ADGRF5: variants seen among roughly 807,000 people sequenced by gnomAD.
ADGRF5 encodes G-protein coupled receptor 116.
In ADGRF5, 75 loss-of-function variants were observed where a neutral mutation model predicts 132.3. That is an observed-to-expected ratio of 0.57 (90% CI 0.47 to 0.69). ADGRF5 has a LOEUF of 0.69. Among genes scored for constraint, ADGRF5 ranks in the 30% least tolerant of loss-of-function variants. The pLI is 0.00. For missense variants in ADGRF5, 1,516 were observed against 1,630.6 expected, an observed-to-expected ratio of 0.93 and a Z score of 1.21; for synonymous variants, 629 against 597.6, an observed-to-expected ratio of 1.05 and a Z score of -0.77.
chr6:46,946,113 A>G (rs552115529), intron 1 of ADGRF5, among the ~76,000 whole-genome samples: 1 of 152,232 alleles, frequency 6.6e-6, no homozygotes, highest in Non-Finnish European at 1.5e-5. Flanking sequence ...AATGAACCAC[A>G]GTAGGGAGAA....
chr6:46,881,294 C>T (rs1478536178), intron 8 of ADGRF5, among the ~76,000 whole-genome samples, 161 bp downstream of exon 8: 1 of 152,140 alleles, frequency 6.6e-6, no homozygotes, highest in East Asian at 1.9e-4. Flanking sequence ...TGGCATTAGT[C>T]AGATTGGGAG....
intron 1 of ADGRF5, among the ~76,000 whole-genome samples, chr6:46,947,209 A>G (rs956819864): frequency 1.3e-5 from 2 of 152,208 alleles, no homozygotes; most frequent in African/African-American, 4.8e-5. Context: ...AGTAGACTCC[A>G]AAGGTGAAAA....
intron 4 of ADGRF5, among the ~76,000 whole-genome samples, chr6:46,887,456 A>T (rs1472387606): frequency 6.6e-6 from 1 of 152,218 alleles, no homozygotes; most frequent in East Asian, 1.9e-4. Flanking sequence ...GAAAACCACT[A>T]ACTCAAGGAA....
intron 3 of ADGRF5, among the ~76,000 whole-genome samples, chr6:46,899,297 TGGCTTTTAGTTCCAA>T (rs1213300461): frequency 2.0e-5 from 3 of 152,118 alleles, no homozygotes; most frequent in South Asian, 2.1e-4. Context: ...AGCAGAGGAT[TGGCTTTTAGTTCCAA>T]GGCCAAGGGA....
intron 3 of ADGRF5, among the ~76,000 whole-genome samples, chr6:46,896,112 G>A (rs990185485): frequency 6.6e-6 from 1 of 152,114 alleles, no homozygotes; most frequent in Non-Finnish European, 1.5e-5. Flanking sequence ...CCTCCTGGCT[G>A]GTCTCCCAGG....
chr6:46,870,599 C>T (rs1770942311), intron 11 of ADGRF5, among the ~76,000 whole-genome samples: 1 of 152,206 alleles, frequency 6.6e-6, no homozygotes, highest in Non-Finnish European at 1.5e-5. Flanking sequence ...CCTCCCCATC[C>T]ATAGGCATCT....
intron 1 of ADGRF5, among the ~76,000 whole-genome samples, chr6:46,918,022 C>T (rs940951140): frequency 1.3e-5 from 2 of 152,228 alleles, no homozygotes; most frequent in African/African-American, 4.8e-5. Flanking sequence ...TTCCACAGCA[C>T]TTAGCAAGTC....
chr6:46,881,603 C>T lies in ADGRF5; in HGVS notation c.672-6G>A, dbSNP rs1772472877. 6.2e-7 allele frequency: 1 copy of T among 1,613,046 alleles called. No individual in the cohort carries two copies. Reference sequence around the variant, plus strand: ...TCACAACCACACTTCCAGACCTGGACAGAGACCACTCAGTTCAGTAAAACA... The same window carrying T: ...TCACAACCACACTTCCAGACCTGGATAGAGACCACTCAGTTCAGTAAAACA... On this transcript the variant is annotated splice_polypyrimidine_tract_variant and splice_region_variant and intron_variant, in intron 7 of 20. Coordinates refer to ENST00000283296, the MANE Select transcript of ADGRF5 (RefSeq NM_001098518.2).
At chr6:46,902,592 G>A (rs891685187) in intron 2 of ADGRF5, among the ~76,000 whole-genome samples, 12 of 152,166 alleles carry the variant, frequency 7.9e-5, no homozygotes, top group South Asian at 2.1e-4. Flanking sequence ...TTCAAGCAGC[G>A]CATCCATTGA....
chr6:46,945,149 A>G (rs1374239406), intron 1 of ADGRF5, among the ~76,000 whole-genome samples: 2 of 152,180 alleles, frequency 1.3e-5, no homozygotes, highest in Non-Finnish European at 2.9e-5. Flanking sequence ...ACACATTTGG[A>G]AATTCTGCCT....
At chr6:46,912,575 A>G (rs766819721) in intron 1 of ADGRF5, among the ~76,000 whole-genome samples, 7 of 152,090 alleles carry the variant, frequency 4.6e-5, no homozygotes, top group Non-Finnish European at 7.4e-5. Flanking sequence ...TTGATTAGGG[A>G]GGCAATAGAG....
At chr6:46,950,957 C>T (rs1582092938) in intron 1 of ADGRF5, among the ~76,000 whole-genome samples, 2 of 152,184 alleles carry the variant, frequency 1.3e-5, no homozygotes, top group African/African-American at 4.8e-5. Context: ...AGATTAAAAA[C>T]CAGGTCTGCC....
chr6:46,911,910 A>G lies in ADGRF5; in HGVS notation c.-24-5124T>C, dbSNP rs374877715. Among the ~76,000 whole-genome samples, 124 of 152,290 alleles carry G rather than the reference A, an allele frequency of 8.1e-4. 3 individuals carry two copies. The South Asian group carries it at 0.025, about 30-fold the overall frequency. On this transcript the variant is annotated intron_variant, in intron 1 of 20. Coordinates refer to ENST00000283296, the MANE Select transcript of ADGRF5 (RefSeq NM_001098518.2). ...AAATTACTCAATTCATTGTTTAACT[A>G]TGACTGTGAAAGTGCTACCGAGAAC... is the stretch of plus-strand genomic sequence containing the variant.
chr6:46,926,490 G>A (rs1004710118), upstream of ADGRF5, among the ~76,000 whole-genome samples: 7 of 151,536 alleles, frequency 4.6e-5, no homozygotes, highest in Non-Finnish European at 1.0e-4. Context: ...TGAGGGGGGG[G>A]GCAGTGCAGA....
chr6:46,864,283 A>G (rs1770122741), intron 14 of ADGRF5, among the ~76,000 whole-genome samples: 1 of 152,160 alleles, frequency 6.6e-6, no homozygotes, highest in Non-Finnish European at 1.5e-5. Context: ...ATATTATGTG[A>G]TGGCAAATTG....
At position 46,878,262 on chromosome 6, in the gene ADGRF5, G is replaced by C. The variant is rs1046704700; in HGVS notation, c.1180C>G (p.Gln394Glu). The change falls in exon 10 of 21, where the codon CAG becomes GAG. Residue 394 changes from glutamine to glutamate, a missense_variant. Gln to Glu is a conservative substitution (Grantham distance 29). Coordinates refer to ENST00000283296, the MANE Select transcript of ADGRF5 (RefSeq NM_001098518.2). ...ACTTTGCTCCAATTAACATTACCCT[G>C]ACTGCAGCAGTTCAAAGATACAGGA... Reference protein sequence around the residue: ...NNPVSLNCCSQGNVNWSKVEW... With the variant: ...NNPVSLNCCSEGNVNWSKVEW... The C allele has an allele frequency of 6.2e-7, 1 of 1,613,642 alleles. No individual in the cohort carries two copies. The highest frequency in any genetic ancestry group is 2.2e-5 in the East Asian group (1 of 44,858).
At position 46,893,332 on chromosome 6, in the gene ADGRF5, C is replaced by G. The variant is rs1186440452; in HGVS notation, c.158-4827G>C. The stretch of plus-strand genomic sequence containing the variant: ...TGAAGCCTGGAACAGTATCATGGTC[C>G]TATAGGCAAACAGAACATAGAGGCT... On this transcript the variant is annotated intron_variant, in intron 3 of 20. Coordinates refer to ENST00000283296, the MANE Select transcript of ADGRF5 (RefSeq NM_001098518.2). Among the ~76,000 whole-genome samples the G allele has an allele frequency of 4.6e-5, 7 of 152,032 alleles. No individual in the cohort carries two copies. The East Asian group carries it at 1.4e-3, about 29-fold the overall frequency.
At chr6:46,871,482 G>A (rs1207843291) in intron 11 of ADGRF5, among the ~76,000 whole-genome samples, 1 of 151,914 alleles carries the variant, frequency 6.6e-6, no homozygotes, top group Non-Finnish European at 1.5e-5. Flanking sequence ...AAGTAATGAG[G>A]GAAAAGGGGA....
intron 1 of ADGRF5, among the ~76,000 whole-genome samples, chr6:46,910,306 G>T (rs979747186): frequency 1.3e-5 from 2 of 152,170 alleles, no homozygotes; most frequent in African/African-American, 4.8e-5. Context: ...ATTATAATTG[G>T]TGGGTAATAA....
Sources: allele counts gnomAD v4.1 joint callset (sites outside exome capture counted in the v4.1 genomes callset), GRCh38; gene constraint gnomAD v4.1.1; transcripts MANE v1.5; gene names NCBI Gene and HGNC (gene_info 2026-07-23, HGNC 2026-07-21).